PTK7: variants seen among roughly 807,000 people sequenced by gnomAD.
PTK7 encodes the protein protein tyrosine kinase 7 (inactive), also known as inactive tyrosine-protein kinase 7.
Under a neutral mutation model 116.6 loss-of-function variants are expected in PTK7, and 39 were observed. That is an observed-to-expected ratio of 0.33 (90% CI 0.26 to 0.44). PTK7 has a LOEUF of 0.44. Among genes scored for constraint, PTK7 ranks in the 20% least tolerant of loss-of-function variants. The pLI, the probability that PTK7 is intolerant of heterozygous loss-of-function variation, is 1.00. For synonymous variants in PTK7, 546 were observed against 563.6 expected, an observed-to-expected ratio of 0.97 and a Z score of 0.44; for missense variants, 1,169 against 1,425.6, an observed-to-expected ratio of 0.82 and a Z score of 2.90.
chr6:43,135,030 A>G (rs996594218), intron 7 of PTK7, among the ~76,000 whole-genome samples: 2 of 152,124 alleles, frequency 1.3e-5, no homozygotes, highest in Non-Finnish European at 2.9e-5. Context: ...ACAGCTTCCA[A>G]CCCAGGCTCT....
chr6:43,136,782 C>T (rs1437051146), intron 7 of PTK7, among the ~76,000 whole-genome samples: 1 of 152,086 alleles, frequency 6.6e-6, no homozygotes, highest in African/African-American at 2.4e-5. Context: ...GGGAGGACTG[C>T]TTGAGCCTAG....
intron 17 of PTK7, among the ~76,000 whole-genome samples, chr6:43,157,324 C>T (rs1267999463): frequency 4.3e-5 from 3 of 69,568 alleles, no homozygotes; most frequent in South Asian, 6.3e-4. Context: ...CAGACACACA[C>T]GCTATATATA....
intron 17 of PTK7, among the ~76,000 whole-genome samples, chr6:43,153,277 A>AT (rs1425777005): frequency 2.0e-5 from 3 of 150,850 alleles, no homozygotes; most frequent in African/African-American, 4.9e-5. Context: ...TGCCTGGCTA[A>AT]TTTTTTTGTA....
At chr6:43,116,857 T>A (rs1443926844) in intron 1 of PTK7, among the ~76,000 whole-genome samples, 1 of 152,170 alleles carries the variant, frequency 6.6e-6, no homozygotes, top group Non-Finnish European at 1.5e-5. Context: ...TCAGTTTCGC[T>A]GTATCGCCCA....
rs561620711 is a variant in PTK7, at chr6:43,100,493, G to T, written c.79+23926G>T. Among the ~76,000 whole-genome samples, 38 of 150,744 alleles carry T rather than the reference G, an allele frequency of 2.5e-4. 1 individual carries two copies. In the East Asian group the frequency reaches 7.0e-3, roughly 28 times the overall value. ...AAAGTAGAAAATTGAACTGTAATTT[G>T]ATTTTTTTCAAAGATGTCTGTTAAA... On this transcript the variant is annotated intron_variant, in intron 1 of 19. Transcript: ENST00000230419.
chr6:43,137,194 T>G (rs762972303), intron 7 of PTK7, among the ~76,000 whole-genome samples: 10 of 152,156 alleles, frequency 6.6e-5, no homozygotes, highest in Non-Finnish European at 8.8e-5. Context: ...TCTGGCTGTT[T>G]TGAGACTAGA....
intron 7 of PTK7, among the ~76,000 whole-genome samples, chr6:43,136,546 C>T (rs555723996): frequency 6.6e-6 from 1 of 152,278 alleles, no homozygotes; most frequent in South Asian, 2.1e-4. Context: ...GGCTATTGAC[C>T]AGGGTGCCTT....
At chr6:43,107,612 T>C (rs964452754) in intron 1 of PTK7, among the ~76,000 whole-genome samples, 6 of 152,216 alleles carry the variant, frequency 3.9e-5, no homozygotes, top group African/African-American at 1.4e-4. Context: ...AAGACAGTAA[T>C]TGTGTGTTTC....
At chr6:43,119,194 G>A (rs1365319960) in intron 1 of PTK7, among the ~76,000 whole-genome samples, 1 of 152,056 alleles carries the variant, frequency 6.6e-6, no homozygotes, top group Non-Finnish European at 1.5e-5. Flanking sequence ...TCACCACCAG[G>A]AATTTGGGGT....
At position 43,142,259 on chromosome 6, in the gene PTK7, C is replaced by T. The variant is rs1317958638; in HGVS notation, c.2007C>T (p.Ser669=). The T allele has an allele frequency of 6.2e-7, 1 of 1,614,196 alleles. No homozygotes were observed. The highest frequency in any genetic ancestry group is 2.2e-5 in the East Asian group (1 of 44,874). ...GCTACACCTGCATTGCAGGCAACAG[C>T]TGCAACATCAAGCACACGGAGGCCC... is the stretch of plus-strand genomic sequence containing the variant. ...SGRYTCIAGN[S]CNIKHTEAPL... The change falls in exon 13 of 20, where the codon AGC becomes AGT. Residue 669 remains serine, a synonymous_variant. Transcript: ENST00000230419.
chr6:43,145,362 A>G lies in PTK7; in HGVS notation c.2570A>G (p.Asn857Ser), dbSNP rs745609846. The change falls in exon 16 of 20, where the codon AAC (asparagine) becomes AGC (serine). Residue 857 changes from asparagine to serine, a missense_variant. Asn to Ser is a conservative substitution (Grantham distance 46, BLOSUM62 1). Around this residue, in one of 3 missense-constraint regions of PTK7, gnomAD observed 678 missense variants for 853.8 expected, o/e 0.79. Transcript: ENST00000230419. The surrounding 1 kb of genome is among the most constrained non-coding windows in gnomAD (Gnocchi z 4.8). ...ATGTTTGGGAAGCTGAACCACGCCA[A>G]CGTGGTGCGGCTCCTGGGGCTGTGC... ...LEMFGKLNHA[N>S]VVRLLGLCRE... 6 of 1,613,004 alleles carry G rather than the reference A, an allele frequency of 3.7e-6. No homozygotes were observed. The highest frequency in any genetic ancestry group is 1.7e-5 in the Admixed American group (1 of 59,836).
chr6:43,144,341 T>A, intron 14 of PTK7, 110 bp from the exon 15 acceptor site: 6 of 1,384,150 alleles, frequency 4.3e-6, no homozygotes, highest in Non-Finnish European at 6.0e-6. Flanking sequence ...TGGAGCACTG[T>A]GATTGGACCC....
chr6:43,105,450 CAAA>C (rs34623759), intron 1 of PTK7, among the ~76,000 whole-genome samples: 4 of 93,416 alleles, frequency 4.3e-5, no homozygotes, highest in Non-Finnish European at 6.2e-5. Context: ...AACTGTATAG[CAAA>C]AAAAAAAAAA....
intron 1 of PTK7, among the ~76,000 whole-genome samples, chr6:43,095,453 A>G (rs1248206013): frequency 6.6e-6 from 1 of 151,838 alleles, no homozygotes; most frequent in African/African-American, 2.4e-5. Flanking sequence ...CAAGCCTTCT[A>G]CCTGTTCACT....
At position 43,129,624 on chromosome 6, in the gene PTK7, C is replaced by A; in HGVS notation, c.368-103C>A. On this transcript the variant is annotated intron_variant, in intron 2 of 19. Coordinates refer to ENST00000230419, the MANE Select transcript of PTK7 (RefSeq NM_002821.5). This position sits in a 1 kb window ranked among gnomAD's most constrained non-coding sequence, Gnocchi z 4.5. ...CAGGGCTTCCTTGTGTCTGTTGGCA[C>A]AGAGCCTCGAGGTTCCACGGCTTCC... 2 of 1,025,214 alleles carry A rather than the reference C, an allele frequency of 2.0e-6. No individual in the cohort carries two copies. The highest frequency in any genetic ancestry group is 1.8e-5 in the Admixed American group (1 of 54,442). The allele number at this position is 1,025,214 out of a possible 1,614,324, so 63.5% of individuals were successfully genotyped here.
rs776809564 is a variant in PTK7 at position 43,159,698 on chromosome 6, T to C, written c.2874-90T>C. The stretch of plus-strand genomic sequence containing the variant: ...TATGTAGAAAGGCTGGGCCCCCGGC[T>C]TGGGGATGCGTTCCAGATGGGGAGA... On this transcript the variant is annotated intron_variant, in intron 18 of 19. Coordinates refer to ENST00000230419, the MANE Select transcript of PTK7 (RefSeq NM_002821.5). The C allele has an allele frequency of 1.1e-4, 150 of 1,382,160 alleles. 1 individual carries two copies. Among genetic ancestry groups the C allele is most frequent in the South Asian group, 1.1e-4 (9 of 83,822 alleles). The allele number at this position is 1,382,160 out of a possible 1,614,324, so 85.6% of individuals were successfully genotyped here. A position where few individuals can be genotyped will look rare whatever the true frequency, so the allele number is the denominator to read the frequency against.
intron 14 of PTK7, among the ~76,000 whole-genome samples, chr6:43,144,129 T>C (rs934472333): frequency 2.0e-5 from 3 of 152,190 alleles, no homozygotes; most frequent in Non-Finnish European, 4.4e-5. Flanking sequence ...CTTTGCCCAA[T>C]AGGAGGCCCC....
Position 43,132,126 on chromosome 6 carries a change from GC to G in PTK7, c.926del (p.Pro309HisfsTer11). The G allele has an allele frequency of 6.2e-7, 1 of 1,612,898 alleles. No homozygotes were observed. ...CGCTGCATTGGCCAGGGGCAGAGGG[GC>G]CCACCCATCATCCTGGAAGCCACAC... Reference protein sequence around the residue: ...IYRCIGQGQRGPPIILEATLH... With the variant: ...IYRCIGQGQRXPPIILEATLH... On this transcript the variant is annotated frameshift_variant, in exon 6 of 20. Coordinates refer to ENST00000230419, the MANE Select transcript of PTK7 (RefSeq NM_002821.5). LOFTEE classifies it high-confidence loss of function.
chr6:43,146,845 C>G, intron 17 of PTK7, 147 bp downstream of exon 17: 1 of 704,776 alleles, frequency 1.4e-6, no homozygotes, highest in Non-Finnish European at 2.4e-6. Context: ...CGGTAGTCGT[C>G]TGAAATATAT....
Sources: gnomAD v4.1 joint callset for allele counts (sites outside exome capture counted in the v4.1 genomes callset) on GRCh38, gnomAD v4.1.1 for gene constraint, gnomAD v4.1.1 regional missense constraint, Gnocchi (gnomAD v3.1) non-coding constraint, MANE v1.5 for transcripts, NCBI Gene and HGNC (gene_info 2026-07-23, HGNC 2026-07-21) for gene names.